KCNMB2: variants seen among roughly 807,000 people sequenced by gnomAD.
KCNMB2 encodes potassium calcium-activated channel subfamily M regulatory beta subunit 2.
In KCNMB2, 9 loss-of-function variants were observed where a neutral mutation model predicts 24.5. The ratio of observed to expected loss-of-function variants is 0.37; its 90% CI spans 0.22 to 0.64. The LOEUF is 0.64. Among genes scored for constraint, KCNMB2 ranks in the 30% least tolerant of loss-of-function variants. The probability of loss-of-function intolerance (pLI) is 0.63; values close to 1 mark genes in which losing one functional copy is unlikely to be tolerated. For synonymous variants in KCNMB2, 109 were observed against 104.4 expected (o/e 1.04, Z -0.27); for missense variants, 226 against 284.3 (o/e 0.79, Z 1.47).
At chr3:178,558,093 T>G (rs2108461198) in intron 1 of KCNMB2, among the ~76,000 whole-genome samples, 2 of 152,370 alleles carry the variant, frequency 1.3e-5, no homozygotes, top group East Asian at 3.9e-4. Context: ...AATTTCTTCT[T>G]TATTGCTGTT....
intron 1 of KCNMB2, among the ~76,000 whole-genome samples, chr3:178,799,645 A>C (rs945657286): frequency 6.6e-6 from 1 of 152,194 alleles, no homozygotes; most frequent in Non-Finnish European, 1.5e-5. Context: ...TCAAAATACC[A>C]ATGACATTCT....
At chr3:178,778,936 C>A (rs144780431) in intron 1 of KCNMB2, among the ~76,000 whole-genome samples, 1 of 148,030 alleles carries the variant, frequency 6.8e-6, no homozygotes, top group South Asian at 2.2e-4. Context: ...CATACTGCAG[C>A]CTGACCTTTC....
chr3:178,550,304 A>C (rs1001820225), intron 1 of KCNMB2, among the ~76,000 whole-genome samples: 6 of 151,504 alleles, frequency 4.0e-5, no homozygotes, highest in Non-Finnish European at 7.4e-5. Flanking sequence ...CAAAAAAAAA[A>C]AAAATTAGAC....
At chr3:178,587,044 A>G (rs2108495304) in intron 1 of KCNMB2, among the ~76,000 whole-genome samples, 1 of 152,328 alleles carries the variant, frequency 6.6e-6, no homozygotes, top group East Asian at 1.9e-4. Context: ...ATGTAATAAA[A>G]TAGTCTCTTC....
chr3:178,767,556 A>T (rs1712172861), intron 1 of KCNMB2, among the ~76,000 whole-genome samples: 2 of 152,250 alleles, frequency 1.3e-5, no homozygotes, highest in South Asian at 4.1e-4. Context: ...TAGCGTTAGC[A>T]AGATGTTGTT....
At chr3:178,761,085 C>T (rs1309056837) in intron 1 of KCNMB2, among the ~76,000 whole-genome samples, 1 of 152,122 alleles carries the variant, frequency 6.6e-6, no homozygotes, top group African/African-American at 2.4e-5. Flanking sequence ...TAATTACTCA[C>T]ATACTTAAGT....
At position 178,807,343 on chromosome 3, in the gene KCNMB2, G is replaced by A. The variant is rs1714010838; in HGVS notation, c.-67G>A. The A allele has an allele frequency of 2.3e-6, 3 of 1,314,970 alleles. No individual in the cohort carries two copies. Among genetic ancestry groups the A allele is most frequent in the African/African-American group, 1.5e-5 (1 of 68,744 alleles). The allele number at this position is 1,314,970 out of a possible 1,614,324, so 81.5% of individuals were successfully genotyped here. A position where few individuals can be genotyped will look rare whatever the true frequency, so the allele number is the denominator to read the frequency against. Reference sequence around the variant, plus strand: ...TAACTTCATTGTGTACCTCTTCTAGGTCTTTTTGCCATTCCTCCAGGACAT... The same window carrying A: ...TAACTTCATTGTGTACCTCTTCTAGATCTTTTTGCCATTCCTCCAGGACAT... On this transcript the variant is annotated splice_region_variant and 5_prime_UTR_variant, in exon 2 of 5. Coordinates refer to ENST00000452583, the MANE Select transcript of KCNMB2 (RefSeq NM_181361.3).
At chr3:178,547,339 G>GA (rs1490441890) in intron 1 of KCNMB2, among the ~76,000 whole-genome samples, 2 of 152,208 alleles carry the variant, frequency 1.3e-5, no homozygotes, top group African/African-American at 2.4e-5. Context: ...AACTAAGACA[G>GA]AAAATCACTT....
intron 1 of KCNMB2, among the ~76,000 whole-genome samples, chr3:178,764,765 T>C (rs1354901742): frequency 6.6e-6 from 1 of 152,188 alleles, no homozygotes; most frequent in Non-Finnish European, 1.5e-5. Flanking sequence ...TTTTTATATT[T>C]GCATTACCCA....
At chr3:178,585,831 T>C (rs1380551472) in intron 1 of KCNMB2, among the ~76,000 whole-genome samples, 1 of 152,192 alleles carries the variant, frequency 6.6e-6, no homozygotes, top group Non-Finnish European at 1.5e-5. Flanking sequence ...TATAGCACTA[T>C]TGGGAGAGAA....
At chr3:178,686,233 T>G (rs902300424) in intron 1 of KCNMB2, among the ~76,000 whole-genome samples, 1 of 152,204 alleles carries the variant, frequency 6.6e-6, no homozygotes, top group Non-Finnish European at 1.5e-5. Flanking sequence ...CATACACATT[T>G]ATTTAATAAA....
intron 1 of KCNMB2, among the ~76,000 whole-genome samples, chr3:178,613,601 T>C (rs1229843803): frequency 1.3e-5 from 2 of 152,178 alleles, no homozygotes; most frequent in East Asian, 3.9e-4. Flanking sequence ...TTTCACCAGA[T>C]ACGCTACTCA....
chr3:178,830,994 A>G (rs1715037129), intron 4 of KCNMB2, among the ~76,000 whole-genome samples: 1 of 152,134 alleles, frequency 6.6e-6, no homozygotes, highest in Non-Finnish European at 1.5e-5. Context: ...TGTCCACCCT[A>G]ATATCATAAA....
intron 2 of KCNMB2, among the ~76,000 whole-genome samples, chr3:178,816,989 G>T (rs1714427563): frequency 6.6e-6 from 1 of 151,934 alleles, no homozygotes. Context: ...AAATAAATAT[G>T]AATTAAAATA....
At chr3:178,703,099 GA>G (rs973241274) in intron 1 of KCNMB2, among the ~76,000 whole-genome samples, 5 of 151,888 alleles carry the variant, frequency 3.3e-5, no homozygotes, top group Non-Finnish European at 7.4e-5. Context: ...ATATTAACAG[GA>G]AAAAAGGGAA....
chr3:178,705,896 A>G (rs1393952539), intron 1 of KCNMB2, among the ~76,000 whole-genome samples: 3 of 152,172 alleles, frequency 2.0e-5, no homozygotes, highest in African/African-American at 7.2e-5. Flanking sequence ...TCAGCCAAAA[A>G]CATTACATAG....
rs55936415 is a variant in KCNMB2 at position 178,635,318 on chromosome 3, G to A, written c.-68+98607G>A. ...CTTGCCAGTAGGCTAGTGAGGCCTG[G>A]GGACATACATGTTACTAAGACAAGT... On this transcript the variant is annotated intron_variant, in intron 1 of 4. Transcript: ENST00000452583. Among the ~76,000 whole-genome samples the A allele has an allele frequency of 6.0e-3, 906 of 152,076 alleles. 9 individuals carry two copies. Among genetic ancestry groups the A allele is most frequent in the African/African-American group, 0.021 (857 of 41,486 alleles).
intron 1 of KCNMB2, among the ~76,000 whole-genome samples, chr3:178,680,493 C>T (rs1406096402): frequency 6.6e-6 from 1 of 152,070 alleles, no homozygotes; most frequent in African/African-American, 2.4e-5. Flanking sequence ...AATGAAAATG[C>T]AGGAAAATCA....
intron 1 of KCNMB2, among the ~76,000 whole-genome samples, chr3:178,754,608 T>C (rs1378659937): frequency 6.6e-6 from 1 of 152,184 alleles, no homozygotes; most frequent in Non-Finnish European, 1.5e-5. Context: ...TGTGGTGCAC[T>C]TGGATGAATC....
Sources: gnomAD v4.1 joint callset for allele counts (sites outside exome capture counted in the v4.1 genomes callset) on GRCh38, gnomAD v4.1.1 for gene constraint, MANE v1.5 for transcripts, NCBI Gene and HGNC (gene_info 2026-07-23, HGNC 2026-07-21) for gene names.